ATP13A4: variants seen among roughly 807,000 people sequenced by gnomAD.
ATP13A4 encodes the protein ATPase 13A4, also known as probable cation-transporting ATPase 13A4.
Under a neutral mutation model 142.5 loss-of-function variants are expected in ATP13A4, and 114 were observed. That is an observed-to-expected ratio of 0.80 (90% CI 0.69 to 0.93). The LOEUF is 0.93. Among genes scored for constraint, ATP13A4 ranks in the 40% least tolerant of loss-of-function variants. ATP13A4 has a pLI of 0.00. For synonymous variants in ATP13A4, 488 were observed against 514.8 expected, an observed-to-expected ratio of 0.95 and a Z score of 0.70; for missense variants, 1,392 against 1,454.0, an observed-to-expected ratio of 0.96 and a Z score of 0.69.
At chr3:193,468,604 G>A (rs546290037) in intron 9 of ATP13A4, among the ~76,000 whole-genome samples, 6 of 151,928 alleles carry the variant, frequency 3.9e-5, no homozygotes, top group Admixed American at 6.6e-5. Flanking sequence ...AAAATCAGCC[G>A]GGTGTGGTGG....
At chr3:193,535,605 A>T (rs796226327) in intron 1 of ATP13A4, among the ~76,000 whole-genome samples, 16 of 152,288 alleles carry the variant, frequency 1.1e-4, no homozygotes, top group African/African-American at 3.8e-4. Context: ...CAATACAATA[A>T]TCTAAGTTCC....
chr3:193,434,024 T>TA (rs1716119395), intron 24 of ATP13A4, 107 bp from the exon 25 acceptor site: 1 of 933,144 alleles, frequency 1.1e-6, no homozygotes, highest in Non-Finnish European at 1.7e-6. Flanking sequence ...TCAAGTAAAT[T>TA]ACTGTGGAGA....
intron 12 of ATP13A4, 33 bp downstream of exon 12, chr3:193,464,907 A>G: frequency 6.2e-7 from 1 of 1,601,750 alleles, no homozygotes; most frequent in East Asian, 2.2e-5. Context: ...AATGGTAAAA[A>G]TGATGATAAG....
chr3:193,437,089 G>T (rs1716327669), intron 23 of ATP13A4, among the ~76,000 whole-genome samples: 3 of 128,750 alleles, frequency 2.3e-5, no homozygotes, highest in South Asian at 4.6e-4. Flanking sequence ...GGGCGACAGA[G>T]TGAGACTCCG....
intron 8 of ATP13A4, among the ~76,000 whole-genome samples, chr3:193,474,147 G>A (rs754055216): frequency 1.7e-4 from 25 of 151,506 alleles, no homozygotes; most frequent in Non-Finnish European, 5.9e-5. Flanking sequence ...ATGAAACCCC[G>A]TCTCTACTAA....
chr3:193,562,540 C>A (rs983464940), intron 2 of ATP13A4, among the ~76,000 whole-genome samples: 1 of 152,122 alleles, frequency 6.6e-6, no homozygotes, highest in African/African-American at 2.4e-5. Flanking sequence ...ATTTGCCTCC[C>A]AGGCCCTAGA....
chr3:193,562,017 T>C (rs1256029333), intron 2 of ATP13A4, among the ~76,000 whole-genome samples: 2 of 152,208 alleles, frequency 1.3e-5, no homozygotes, highest in African/African-American at 4.8e-5. Flanking sequence ...GGAGCTTTGC[T>C]GTTGGCTAGC....
chr3:193,454,499 T>C (rs1272026008), intron 16 of ATP13A4, among the ~76,000 whole-genome samples: 1 of 152,220 alleles, frequency 6.6e-6, no homozygotes, highest in South Asian at 2.1e-4. Flanking sequence ...ATTGAGAATC[T>C]ACCATCTGGC....
intron 7 of ATP13A4, among the ~76,000 whole-genome samples, chr3:193,488,639 CAT>C (rs1480164226): frequency 2.0e-5 from 3 of 152,074 alleles, no homozygotes; most frequent in Non-Finnish European, 4.4e-5. Flanking sequence ...GGGAGGAAGA[CAT>C]GTCGGCATGA....
chr3:193,510,993 T>C (rs1023920454), intron 2 of ATP13A4, among the ~76,000 whole-genome samples: 2 of 152,230 alleles, frequency 1.3e-5, no homozygotes, highest in African/African-American at 2.4e-5. Flanking sequence ...AAACTATTGG[T>C]GCCCAAAGCT....
At chr3:193,582,675 ATATATATTATATATG>A (rs1337435984) in intron 1 of ATP13A4, among the ~76,000 whole-genome samples, 2 of 68,432 alleles carry the variant, frequency 2.9e-5, no homozygotes, top group South Asian at 3.6e-4. Flanking sequence ...TGTATATTAC[ATATATATTATATATG>A]TGTATAACAT....
In ATP13A4 at chr3:193,554,750, T is replaced by C; in HGVS notation, c.50A>G (p.Glu17Gly). The stretch of plus-strand genomic sequence containing the variant: ...TGGCTAGAATCTTACCATCTCATTC[T>C]CTTCTCCTTCATTGAGCAGAGCGTG... ...GQHALLNEGE[E>G]NEMEIFGYRT... The change falls in exon 1 of 30, where the codon GAG (glutamate) becomes GGG (glycine). Residue 17 changes from glutamate (E) to glycine (G), a missense_variant. Transcript: ENST00000342695. The C allele has an allele frequency of 6.2e-7, 1 of 1,613,952 alleles. No homozygotes were observed. The highest frequency in any genetic ancestry group is 8.5e-7 in the Non-Finnish European group (1 of 1,180,004).
intron 23 of ATP13A4, among the ~76,000 whole-genome samples, chr3:193,437,103 C>CAAAAAAAAAAA (rs1190025956): frequency 1.0e-3 from 65 of 62,814 alleles, no homozygotes; most frequent in African/African-American, 4.6e-3. Flanking sequence ...GACTCCGTCT[C>CAAAAAAAAAAA]AAAAAAAAAA....
chr3:193,571,888 T>C (rs1314414531), intron 2 of ATP13A4, among the ~76,000 whole-genome samples: 4 of 152,112 alleles, frequency 2.6e-5, no homozygotes, highest in African/African-American at 9.7e-5. Flanking sequence ...GGACGTTAGG[T>C]AAAACTAAAG....
chr3:193,452,567 ATTTTTTT>A (rs751029977), intron 17 of ATP13A4, among the ~76,000 whole-genome samples: 15 of 120,794 alleles, frequency 1.2e-4, no homozygotes, highest in Non-Finnish European at 2.3e-4. Context: ...ACATTGTGGA[ATTTTTTT>A]TTTTTTTTTT....
chr3:193,503,745 C>T (rs1577030128), intron 2 of ATP13A4, among the ~76,000 whole-genome samples: 1 of 152,168 alleles, frequency 6.6e-6, no homozygotes, highest in African/African-American at 2.4e-5. Context: ...AGTACACATT[C>T]TTCTCTCTTC....
chr3:193,573,289 A>ATTTT (rs1491375782), intron 2 of ATP13A4, among the ~76,000 whole-genome samples: 1 of 81,080 alleles, frequency 1.2e-5, no homozygotes. Context: ...ATATATATAT[A>ATTTT]CACATATATA....
rs768886626 is a variant in ATP13A4 at position 193,554,763 on chromosome 3, T to G, written c.37A>C (p.Asn13His). The change falls in exon 1 of 30, where the codon AAT becomes CAT. Residue 13 changes from asparagine to histidine, a missense_variant. Transcript: ENST00000342695. Reference protein sequence around the residue: ...HFEKGQHALLNEGEENEMEIF... With the variant: ...HFEKGQHALLHEGEENEMEIF... ...ACCATCTCATTCTCTTCTCCTTCATTGAGCAGAGCGTGCTGGCCCTTCTCA... is the reference window on the plus strand; with the variant it reads ...ACCATCTCATTCTCTTCTCCTTCATGGAGCAGAGCGTGCTGGCCCTTCTCA... 2.5e-6 allele frequency: 4 copies of G among 1,613,814 alleles called. No individual in the cohort carries two copies. Among genetic ancestry groups the G allele is most frequent in the African/African-American group, 1.3e-5 (1 of 74,852 alleles).
intron 8 of ATP13A4, among the ~76,000 whole-genome samples, chr3:193,476,728 T>C (rs1377014680): frequency 6.6e-6 from 1 of 151,936 alleles, no homozygotes; most frequent in Admixed American, 6.6e-5. Context: ...TATTTATTGA[T>C]CTAATTTTAA....
Sources: allele counts gnomAD v4.1 joint callset (sites outside exome capture counted in the v4.1 genomes callset), GRCh38; gene constraint gnomAD v4.1.1; transcripts MANE v1.5; gene names NCBI Gene and HGNC (gene_info 2026-07-23, HGNC 2026-07-21).